The following CRYBA4 variants were observed in gnomAD, a reference collection of about 807,000 sequenced individuals.
The protein encoded by CRYBA4 is crystallin beta A4.
CRYBA4 carries 30 observed loss-of-function variants against 31.7 expected under a neutral mutation model. That is an observed-to-expected ratio of 0.95 (90% CI 0.71 to 1.28). The LOEUF is 1.28. Among genes scored for constraint, CRYBA4 ranks in the 50% most tolerant of loss-of-function variants. The pLI, the probability that CRYBA4 is intolerant of heterozygous loss-of-function variation, is 0.00. For synonymous variants in CRYBA4, 102 were observed against 102.3 expected (o/e 1.00, Z 0.02); for missense variants, 225 against 260.7 (o/e 0.86, Z 0.94).
At chr22:26,601,774 A>G in the CRYBA4 span, 8 of 1,573,078 alleles carry the variant, frequency 5.1e-6, no homozygotes, top group African/African-American at 1.4e-5. Context: ...GGAAGGGGCC[A>G]TGGCCTTCTC....
upstream of CRYBA4, among the ~76,000 whole-genome samples, chr22:26,621,765 C>T (rs971368890): frequency 2.6e-5 from 4 of 152,222 alleles, no homozygotes; most frequent in Admixed American, 1.3e-4. Flanking sequence ...TCTCCTTCTT[C>T]GTGGCTGATC....
the CRYBA4 span, among the ~76,000 whole-genome samples, chr22:26,604,199 C>G: frequency 6.6e-6 from 1 of 152,228 alleles, no homozygotes; most frequent in Non-Finnish European, 1.5e-5. Context: ...GTTCAAATCC[C>G]AGCCCCAGCA....
the CRYBA4 span, among the ~76,000 whole-genome samples, chr22:26,616,731 G>T: frequency 6.6e-6 from 1 of 152,178 alleles, no homozygotes; most frequent in South Asian, 2.1e-4. Flanking sequence ...GGTGTGCCAG[G>T]CACTGTGACA....
the CRYBA4 span, among the ~76,000 whole-genome samples, chr22:26,595,743 T>C: frequency 2.0e-5 from 3 of 152,062 alleles, no homozygotes; most frequent in Admixed American, 6.6e-5. Context: ...CCCAAAGTGC[T>C]GGGATTGCAG....
At chr22:26,618,860 C>T (rs1009101347), upstream of CRYBA4, among the ~76,000 whole-genome samples, 5 of 152,174 alleles carry the variant, frequency 3.3e-5, no homozygotes, top group Non-Finnish European at 5.9e-5. Context: ...CACATTGGGC[C>T]CCATCCTTTC....
chr22:26,629,435 G>A (rs1028493069), intron 5 of CRYBA4, among the ~76,000 whole-genome samples: 1 of 152,020 alleles, frequency 6.6e-6, no homozygotes, highest in African/African-American at 2.4e-5. Context: ...TCCTTGTCCT[G>A]AACAGAGTAG....
At chr22:26,599,815 C>T in the CRYBA4 span, 2 of 736,024 alleles carry the variant, frequency 2.7e-6, no homozygotes, top group African/African-American at 1.7e-5. Flanking sequence ...TCCCTTCCTG[C>T]TCTGTGCCCT....
intron 5 of CRYBA4, 72 bp from the exon 6 acceptor site, chr22:26,630,268 T>A: frequency 6.3e-7 from 1 of 1,592,100 alleles, no homozygotes; most frequent in Non-Finnish European, 8.6e-7. Context: ...TGTGCATAGA[T>A]CCCTTTGCCC....
chr22:26,627,334 C>CCCCT (rs1184748249), intron 4 of CRYBA4, among the ~76,000 whole-genome samples: 858 of 25,074 alleles, frequency 0.034, 102 homozygotes, highest in African/African-American at 0.059. Context: ...CTTTTCCTTT[C>CCCCT]CCCTCCCTCC....
the CRYBA4 span, among the ~76,000 whole-genome samples, chr22:26,611,498 C>T: frequency 6.8e-5 from 10 of 146,922 alleles, 1 homozygote; most frequent in East Asian, 5.9e-4. Flanking sequence ...GACGGAGTCT[C>T]GCTCTGTCGC....
the CRYBA4 span, chr22:26,599,303 T>G: frequency 1.6e-6 from 1 of 606,360 alleles, no homozygotes; most frequent in African/African-American, 1.8e-5. Flanking sequence ...GCTGCTTTTA[T>G]TATCGTTGTA....
At chr22:26,613,874 C>A in the CRYBA4 span, among the ~76,000 whole-genome samples, 7 of 152,326 alleles carry the variant, frequency 4.6e-5, no homozygotes, top group East Asian at 1.3e-3. Context: ...TCGCTGAATT[C>A]TTTTTCTCAG....
rs1404229613 is a variant in CRYBA4 at position 26,627,359 on chromosome 22, C to CCCTCCCTTCTTTCTTT, written c.301-928_301-927insCTCCCTTCTTTCTTTC. ...CCCCTCCCTCCCTCCCTCCCTCCCT[C>CCCTCCCTTCTTTCTTT]CTTTCTTTCTTTCTTTCTTTCTTTC... On this transcript the variant is annotated intron_variant, in intron 4 of 5. Transcript: ENST00000354760. Among the ~76,000 whole-genome samples, 59 of 41,860 alleles carry CCCTCCCTTCTTTCTTT rather than the reference C, an allele frequency of 1.4e-3. 3 individuals carry two copies. The highest frequency in any genetic ancestry group is 5.4e-3 in the East Asian group (5 of 930). 27.5% of individuals were successfully genotyped at this position (41,860 alleles called of 152,430 possible).
At chr22:26,600,252 A>T in the CRYBA4 span, among the ~76,000 whole-genome samples, 1 of 152,122 alleles carries the variant, frequency 6.6e-6, no homozygotes, top group African/African-American at 2.4e-5. Flanking sequence ...ATACAAAAAA[A>T]TTAGCAGGGT....
Position 26,630,567 on chromosome 22 carries a change from T to C in CRYBA4, c.*80T>C. On this transcript the variant is annotated 3_prime_UTR_variant, in exon 6 of 6. Coordinates refer to ENST00000354760, the MANE Select transcript of CRYBA4 (RefSeq NM_001886.3). ...TGGAGGCTGTGGTGTGTTCTCTCCTTCTGCCTCCCCCTGTAACCTGTGTGA... is the reference window on the plus strand; with the variant it reads ...TGGAGGCTGTGGTGTGTTCTCTCCTCCTGCCTCCCCCTGTAACCTGTGTGA... The C allele has an allele frequency of 7.9e-7, 1 of 1,260,850 alleles. No homozygotes were observed. Among genetic ancestry groups the C allele is most frequent in the Non-Finnish European group, 1.1e-6 (1 of 890,018 alleles). 78.1% of individuals were successfully genotyped at this position (1,260,850 alleles called of 1,614,324 possible).
chr22:26,618,781 T>G (rs1929445853), upstream of CRYBA4, among the ~76,000 whole-genome samples: 1 of 152,118 alleles, frequency 6.6e-6, no homozygotes, highest in South Asian at 2.1e-4. Flanking sequence ...TAGGTTGGGG[T>G]GGGAATGGGA....
chr22:26,624,937 C>T (rs926232080), intron 3 of CRYBA4, among the ~76,000 whole-genome samples: 3 of 152,160 alleles, frequency 2.0e-5, no homozygotes, highest in Non-Finnish European at 4.4e-5. Context: ...TGAGGGGCTG[C>T]CTCGTGGCAG....
At chr22:26,629,048 CATAAA>C (rs1009664649) in intron 5 of CRYBA4, among the ~76,000 whole-genome samples, 27 of 152,326 alleles carry the variant, frequency 1.8e-4, no homozygotes, top group African/African-American at 6.3e-4. Flanking sequence ...TGCCCCTAGC[CATAAA>C]ACACAGGTGT....
the CRYBA4 span, among the ~76,000 whole-genome samples, chr22:26,613,708 T>C: frequency 6.6e-6 from 1 of 152,120 alleles, no homozygotes; most frequent in East Asian, 1.9e-4. Context: ...GTACAGCATG[T>C]GTGTTTGAGC....
Sources: allele counts gnomAD v4.1 joint callset (sites outside exome capture counted in the v4.1 genomes callset), GRCh38; gene constraint gnomAD v4.1.1; transcripts MANE v1.5; gene names NCBI Gene and HGNC (gene_info 2026-07-23, HGNC 2026-07-21).